DPP6: variants seen among roughly 807,000 people sequenced by gnomAD.
The protein encoded by DPP6 is dipeptidyl peptidase like 6.
In DPP6, 69 loss-of-function variants were observed where a neutral mutation model predicts 122.6. The observed-to-expected ratio is 0.56, with a 90% CI of 0.46 to 0.69. The LOEUF is 0.69. DPP6 is among the 30% of genes least tolerant of loss of function. The probability of loss-of-function intolerance (pLI) is 0.00; values close to 1 mark genes in which losing one functional copy is unlikely to be tolerated. For missense variants in DPP6, 928 were observed against 1,116.9 expected (o/e 0.83, Z 2.41); for synonymous variants, 418 against 433.1 (o/e 0.97, Z 0.43).
chr7:154,087,743 C>A (rs1804528433), intron 1 of DPP6, among the ~76,000 whole-genome samples: 1 of 152,136 alleles, frequency 6.6e-6, no homozygotes, highest in South Asian at 2.1e-4. Context: ...TTTTATAGCC[C>A]AGTGGTCAAG....
intron 10 of DPP6, among the ~76,000 whole-genome samples, chr7:154,779,736 G>A (rs1180962631): frequency 6.6e-6 from 1 of 152,166 alleles, no homozygotes; most frequent in East Asian, 1.9e-4. Context: ...GACATCTTCA[G>A]GTGATTCCTA....
chr7:154,208,245 T>C (rs1468100270), intron 1 of DPP6, among the ~76,000 whole-genome samples: 2 of 152,184 alleles, frequency 1.3e-5, no homozygotes, highest in Admixed American at 6.5e-5. Context: ...CCTCATAGCA[T>C]TTACAGAGAT....
chr7:154,437,926 C>T (rs972282197), intron 1 of DPP6, among the ~76,000 whole-genome samples: 1 of 151,962 alleles, frequency 6.6e-6, no homozygotes, highest in Non-Finnish European at 1.5e-5. Context: ...GACAGTGAGA[C>T]TCCATCTGAA....
chr7:154,869,616 A>T (rs1437378855), intron 18 of DPP6, among the ~76,000 whole-genome samples: 1 of 152,194 alleles, frequency 6.6e-6, no homozygotes, highest in Non-Finnish European at 1.5e-5. Context: ...CTGGAGTCCC[A>T]GCCTGCAGGA....
the DPP6 span, among the ~76,000 whole-genome samples, chr7:153,822,301 T>G: frequency 1.3e-5 from 2 of 150,048 alleles, no homozygotes; most frequent in Non-Finnish European, 3.0e-5. Flanking sequence ...GCAATTCTCC[T>G]GCTTCAGCCT....
At chr7:153,843,069 TAC>T in the DPP6 span, among the ~76,000 whole-genome samples, 2 of 147,042 alleles carry the variant, frequency 1.4e-5, no homozygotes, top group African/African-American at 5.2e-5. Flanking sequence ...CACGAGTGCA[TAC>T]ACACGTGCGC....
intron 5 of DPP6, among the ~76,000 whole-genome samples, chr7:154,613,619 C>CAAAAAAAAAAAAAAAAAA (rs749561005): frequency 3.9e-5 from 2 of 51,848 alleles, no homozygotes; most frequent in Admixed American, 3.1e-4. Context: ...GACTCTGTCT[C>CAAAAAAAAAAAAAAAAAA]AAAAAAAAAA....
At chr7:154,254,599 G>A (rs1215910592) in intron 1 of DPP6, among the ~76,000 whole-genome samples, 2 of 152,076 alleles carry the variant, frequency 1.3e-5, no homozygotes, top group East Asian at 3.9e-4. Context: ...AGTGGGGTGG[G>A]CAGTGGGCTT....
At chr7:154,880,296 C>T (rs992059719) in intron 20 of DPP6, among the ~76,000 whole-genome samples, 1 of 152,224 alleles carries the variant, frequency 6.6e-6, no homozygotes, top group Admixed American at 6.5e-5. Context: ...AGCACTGAGG[C>T]CCAGAGCACC....
chr7:154,151,740 C>T (rs138892941), intron 1 of DPP6, among the ~76,000 whole-genome samples: 1 of 152,010 alleles, frequency 6.6e-6, no homozygotes, highest in Non-Finnish European at 1.5e-5. Context: ...CCTCCCGTCT[C>T]CCCTACCCCA....
At chr7:153,857,322 T>TCTCTCTCTCTC in the DPP6 span, among the ~76,000 whole-genome samples, 150 of 124,478 alleles carry the variant, frequency 1.2e-3, no homozygotes, top group African/African-American at 4.2e-3. Flanking sequence ...CTCAAAGGTT[T>TCTCTCTCTCTC]TCTCTCTCTC....
chr7:154,748,435 C>T (rs950965244), intron 8 of DPP6, among the ~76,000 whole-genome samples: 2 of 152,240 alleles, frequency 1.3e-5, no homozygotes, highest in Non-Finnish European at 2.9e-5. Context: ...TGCCGCCACC[C>T]ACACTGTGCT....
intron 1 of DPP6, among the ~76,000 whole-genome samples, chr7:154,148,235 C>T (rs1333046746): frequency 1.4e-5 from 1 of 72,590 alleles, no homozygotes; most frequent in Admixed American, 1.3e-4. Flanking sequence ...ACCTGACAGT[C>T]GGGCCTGTCC....
At chr7:154,101,375 T>G (rs535803348) in intron 1 of DPP6, among the ~76,000 whole-genome samples, 6 of 148,874 alleles carry the variant, frequency 4.0e-5, no homozygotes, top group Admixed American at 2.7e-4. Context: ...CTCTTTCTCC[T>G]TCCATCCCTT....
intron 1 of DPP6, among the ~76,000 whole-genome samples, chr7:154,132,126 C>G (rs1415702561): frequency 6.6e-6 from 1 of 151,896 alleles, no homozygotes; most frequent in African/African-American, 2.4e-5. Context: ...AGTGTTCTAC[C>G]TGGTCACAAT....
At chr7:154,495,391 T>G (rs1348293739) in intron 3 of DPP6, among the ~76,000 whole-genome samples, 1 of 386 alleles carries the variant, frequency 2.6e-3, no homozygotes, top group East Asian at 0.05. Context: ...TTGTTGTGGT[T>G]TTTTTTTTTT....
intron 2 of DPP6, among the ~76,000 whole-genome samples, chr7:154,459,287 C>T (rs60364591): frequency 0.013 from 1,954 of 152,250 alleles, 42 homozygotes; most frequent in African/African-American, 0.043. Context: ...TGCCTATTCT[C>T]GTAGGCATCG....
chr7:154,577,390 A>G (rs1428595546), intron 5 of DPP6, among the ~76,000 whole-genome samples: 1 of 152,152 alleles, frequency 6.6e-6, no homozygotes, highest in Non-Finnish European at 1.5e-5. Flanking sequence ...CTGGTGCAGG[A>G]GCAGCTGGCT....
chr7:154,863,716 A>G lies in DPP6; in HGVS notation c.1715-4279A>G, dbSNP rs1803614988. On this transcript the variant is annotated intron_variant, in intron 17 of 25. Coordinates refer to ENST00000377770, the MANE Select transcript of DPP6 (RefSeq NM_130797.4). The surrounding 1 kb of genome is among the most constrained non-coding windows in gnomAD (Gnocchi z 4.1). The stretch of plus-strand genomic sequence containing the variant: ...TGTAGTCCCAGCTGCTCAGGAGGCT[A>G]AGGTGGGAGGATTGCTTGAGCCCGG... 6.6e-6 allele frequency among the ~76,000 whole-genome samples: 1 copy of G among 151,852 alleles called. No individual in the cohort carries two copies. The highest frequency in any genetic ancestry group is 2.4e-5 in the African/African-American group (1 of 41,382).
Sources: allele counts gnomAD v4.1 joint callset (sites outside exome capture counted in the v4.1 genomes callset), GRCh38; gene constraint gnomAD v4.1.1; non-coding constraint Gnocchi (gnomAD v3.1); transcripts MANE v1.5; gene names NCBI Gene and HGNC (gene_info 2026-07-23, HGNC 2026-07-21).